Variants in PDCD1LG2 observed in about 807,000 individuals in gnomAD.
PDCD1LG2 encodes the protein B7 dendritic cell molecule.
A neutral mutation model predicts 28.2 loss-of-function variants in PDCD1LG2; 32 were observed. The ratio of observed to expected loss-of-function variants is 1.13; its 90% CI spans 0.86 to 1.52. The LOEUF is 1.52. Ranked by LOEUF, PDCD1LG2 falls within the 40% of genes most tolerant of loss-of-function variation. The pLI is 0.00. For missense variants in PDCD1LG2, 385 were observed against 323.8 expected (o/e 1.19, Z -1.45); for synonymous variants, 116 against 120.2 (o/e 0.97, Z 0.23).
chr9:5,538,613 G>A (rs547856027), intron 3 of PDCD1LG2, among the ~76,000 whole-genome samples: 4 of 152,164 alleles, frequency 2.6e-5, no homozygotes, highest in South Asian at 4.1e-4. Context: ...GCGTTAAGCC[G>A]GGAGGCGGAG....
At chr9:5,545,382 A>G (rs565739645) in intron 3 of PDCD1LG2, among the ~76,000 whole-genome samples, 1 of 152,380 alleles carries the variant, frequency 6.6e-6, no homozygotes, top group South Asian at 2.1e-4. Context: ...GCTTGGCATG[A>G]AGAAAATCTT....
intron 2 of PDCD1LG2, among the ~76,000 whole-genome samples, chr9:5,526,541 G>T (rs1388405968): frequency 6.6e-6 from 1 of 152,106 alleles, no homozygotes; most frequent in African/African-American, 2.4e-5. Context: ...AGGCTCAAGT[G>T]AGTCTCCTGC....
chr9:5,554,012 A>T (rs1445452865), intron 4 of PDCD1LG2, among the ~76,000 whole-genome samples: 1 of 151,752 alleles, frequency 6.6e-6, no homozygotes, highest in African/African-American at 2.4e-5. Flanking sequence ...CTCCAAGCCC[A>T]CCCTCTCTCT....
At chr9:5,515,456 G>A (rs981542505) in intron 1 of PDCD1LG2, among the ~76,000 whole-genome samples, 1 of 152,180 alleles carries the variant, frequency 6.6e-6, no homozygotes, top group African/African-American at 2.4e-5. Context: ...TGAGGTATGT[G>A]GACAACTGGA....
chr9:5,528,319 T>A (rs1820418105), intron 2 of PDCD1LG2, among the ~76,000 whole-genome samples: 2 of 150,620 alleles, frequency 1.3e-5, no homozygotes, highest in South Asian at 4.2e-4. Flanking sequence ...TTTCTTTTTT[T>A]GAGACAGGGT....
chr9:5,560,449 C>T (rs1029023117), intron 5 of PDCD1LG2, among the ~76,000 whole-genome samples: 5 of 152,210 alleles, frequency 3.3e-5, no homozygotes, highest in Non-Finnish European at 7.3e-5. Flanking sequence ...CAAAGGTAAC[C>T]TTGCTGGTTC....
rs527445780 is a variant in PDCD1LG2 at position 5,542,872 on chromosome 9, C to T, written c.362-6463C>T. On this transcript the variant is annotated intron_variant, in intron 3 of 6. Coordinates refer to ENST00000397747, the MANE Select transcript of PDCD1LG2 (RefSeq NM_025239.4). ...GAAGTCATTATACAAAAAAAAGATA[C>T]TTGCACACGCATTTTTATAGCAGCA... 8.5e-5 allele frequency among the ~76,000 whole-genome samples: 13 copies of T among 152,208 alleles called. No individual in the cohort carries two copies. The South Asian group carries it at 2.7e-3, about 32-fold the overall frequency.
intron 2 of PDCD1LG2, among the ~76,000 whole-genome samples, chr9:5,531,541 C>A (rs752374072): frequency 1.3e-5 from 2 of 152,122 alleles, no homozygotes; most frequent in Non-Finnish European, 2.9e-5. Flanking sequence ...GCCTATCACT[C>A]CTGGCACGCA....
chr9:5,545,850 C>G (rs112252039), intron 3 of PDCD1LG2, among the ~76,000 whole-genome samples: 17 of 152,284 alleles, frequency 1.1e-4, no homozygotes, highest in African/African-American at 3.6e-4. Flanking sequence ...GAACAATCAT[C>G]AAAGCAATTA....
intron 5 of PDCD1LG2, among the ~76,000 whole-genome samples, chr9:5,562,046 A>G (rs1816575522): frequency 6.6e-6 from 1 of 152,218 alleles, no homozygotes; most frequent in Non-Finnish European, 1.5e-5. Flanking sequence ...GATAGTCATG[A>G]GGGAATTACT....
chr9:5,515,174 G>A (rs1044783755), intron 1 of PDCD1LG2, among the ~76,000 whole-genome samples: 3 of 152,214 alleles, frequency 2.0e-5, no homozygotes, highest in Non-Finnish European at 4.4e-5. Flanking sequence ...ATTAGAGAAC[G>A]TGTTGATTTC....
In PDCD1LG2 at chr9:5,537,522, G is replaced by A. The variant is rs370810128; in HGVS notation, c.361+2472G>A. On this transcript the variant is annotated intron_variant, in intron 3 of 6. Transcript: ENST00000397747. ...AGACTGGATTAAGAAAATGTGGCAC[G>A]TATACACCATAGAATACTATGCAGC... Among the ~76,000 whole-genome samples the A allele has an allele frequency of 1.9e-3, 290 of 152,212 alleles. 1 individual carries two copies. The highest frequency in any genetic ancestry group is 6.8e-3 in the Middle Eastern group (2 of 294).
chr9:5,513,494 C>T (rs1026270738), intron 1 of PDCD1LG2, among the ~76,000 whole-genome samples: 1 of 152,170 alleles, frequency 6.6e-6, no homozygotes, highest in African/African-American at 2.4e-5. Flanking sequence ...AGGGCAAGGG[C>T]CCTTTCTTAG....
Position 5,566,070 on chromosome 9 carries a change from T to C in PDCD1LG2, c.816+2859T>C, listed in dbSNP as rs556523858. Among the ~76,000 whole-genome samples, 9 of 152,210 alleles carry C rather than the reference T, an allele frequency of 5.9e-5. No homozygotes were observed. The East Asian group carries it at 1.5e-3, about 26-fold the overall frequency. The stretch of plus-strand genomic sequence containing the variant: ...TCTCTGCCATCCCAGTTCTATCTCA[T>C]CCCAAAACCATCCATTATGAGGAGA... On this transcript the variant is annotated intron_variant, in intron 6 of 6. Transcript: ENST00000397747.
intron 3 of PDCD1LG2, among the ~76,000 whole-genome samples, chr9:5,538,257 A>T (rs1319100824): frequency 6.6e-6 from 1 of 152,120 alleles, no homozygotes; most frequent in Admixed American, 6.6e-5. Context: ...TTTTTAACAC[A>T]GGAAATTATT....
intron 2 of PDCD1LG2, among the ~76,000 whole-genome samples, chr9:5,527,859 C>A (rs1055025038): frequency 6.6e-6 from 1 of 151,598 alleles, no homozygotes; most frequent in Non-Finnish European, 1.5e-5. Context: ...GACAGAGTTT[C>A]GCTCTGTCAC....
At chr9:5,537,013 C>T (rs938500064) in intron 3 of PDCD1LG2, among the ~76,000 whole-genome samples, 2 of 152,202 alleles carry the variant, frequency 1.3e-5, no homozygotes, top group African/African-American at 4.8e-5. Context: ...TGATTGGGAA[C>T]ATTGACACCT....
intron 4 of PDCD1LG2, 53 bp from the exon 5 acceptor site, chr9:5,557,565 G>A (rs2129919748): frequency 3.1e-6 from 5 of 1,603,492 alleles, no homozygotes; most frequent in Non-Finnish European, 4.3e-6. Flanking sequence ...CAGCCTGTTG[G>A]TCTACCTCTT....
chr9:5,546,530 T>C (rs1367051148), intron 3 of PDCD1LG2, among the ~76,000 whole-genome samples: 1 of 152,206 alleles, frequency 6.6e-6, no homozygotes, highest in Admixed American at 6.5e-5. Context: ...AGGAGATTGG[T>C]GAGTCTAACA....
Sources: allele counts gnomAD v4.1 joint callset (sites outside exome capture counted in the v4.1 genomes callset), GRCh38; gene constraint gnomAD v4.1.1; transcripts MANE v1.5; gene names NCBI Gene and HGNC (gene_info 2026-07-23, HGNC 2026-07-21).